Variants in ASIP observed in about 807,000 individuals in gnomAD.
ASIP encodes the protein agouti-signaling protein.
ASIP carries 11 observed loss-of-function variants against 10.3 expected under a neutral mutation model. The observed-to-expected ratio is 1.07, with a 90% CI of 0.68 to 1.78. ASIP has a LOEUF of 1.78. ASIP is among the 40% of genes most tolerant of loss of function. ASIP has a pLI of 0.00. For missense variants in ASIP, 180 were observed against 169.2 expected (o/e 1.06, Z -0.35); for synonymous variants, 70 against 70.8 (o/e 0.99, Z 0.06).
intron 1 of ASIP, among the ~76,000 whole-genome samples, chr20:34,235,856 G>GA (rs1568756131): frequency 2.4e-5 from 1 of 42,514 alleles, no homozygotes; most frequent in African/African-American, 3.4e-4. Flanking sequence ...AAGGAAGGAA[G>GA]GAAGGAAGGA....
chr20:34,233,624 C>T (rs556247771), intron 1 of ASIP, among the ~76,000 whole-genome samples: 1 of 152,304 alleles, frequency 6.6e-6, no homozygotes, highest in East Asian at 1.9e-4. Context: ...TTTATTCCAT[C>T]TCTCAATGGT....
At chr20:34,253,896 T>C (rs527501567) in intron 1 of ASIP, among the ~76,000 whole-genome samples, 1 of 152,306 alleles carries the variant, frequency 6.6e-6, no homozygotes, top group South Asian at 2.1e-4. Context: ...GAGAAACTCA[T>C]CTTAAGTCCT....
rs1261943376 is a variant in ASIP, at chr20:34,198,600, C to G, written c.-11+3840C>G. ...CTCCTGGGCTCAAGTGATCCTCCCC[C>G]TCAGGTTCCCAAGTAGCTAGGATTA... is the stretch of plus-strand genomic sequence containing the variant. On this transcript the variant is annotated intron_variant, in intron 1 of 3. Transcript: ENST00000568305. Among the ~76,000 whole-genome samples the G allele has an allele frequency of 2.6e-5, 4 of 152,172 alleles. No individual in the cohort carries two copies. In the East Asian group the frequency reaches 5.8e-4, roughly 22 times the overall value.
intron 1 of ASIP, among the ~76,000 whole-genome samples, chr20:34,209,036 G>C (rs1045174369): frequency 3.3e-5 from 5 of 152,198 alleles, no homozygotes; most frequent in Non-Finnish European, 7.3e-5. Flanking sequence ...CTAAACATAA[G>C]ATCATAGTGT....
At chr20:34,224,498 A>T (rs1180099078) in intron 1 of ASIP, among the ~76,000 whole-genome samples, 1 of 152,054 alleles carries the variant, frequency 6.6e-6, no homozygotes, top group Non-Finnish European at 1.5e-5. Flanking sequence ...AAAAGGGTTT[A>T]TAAGAATAAT....
chr20:34,232,477 A>C (rs1206399659), intron 1 of ASIP, among the ~76,000 whole-genome samples: 1 of 152,192 alleles, frequency 6.6e-6, no homozygotes, highest in Non-Finnish European at 1.5e-5. Context: ...CATACAGCAT[A>C]GACCACTGTC....
intron 1 of ASIP, among the ~76,000 whole-genome samples, chr20:34,247,168 T>C (rs1182317938): frequency 1.3e-5 from 2 of 151,846 alleles, no homozygotes; most frequent in Non-Finnish European, 2.9e-5. Flanking sequence ...GTGTTTAACA[T>C]TGTATATGCC....
In ASIP at chr20:34,261,318, G is replaced by C. The variant is rs533174094; in HGVS notation, c.160+784G>C. On this transcript the variant is annotated intron_variant, in intron 2 of 3. Coordinates refer to ENST00000374954, the MANE Select transcript of ASIP (RefSeq NM_001672.3). ...GTTCAAGACCAGACTGAGCGACATA[G>C]GGAGACCCCGTCTCTACAGAAAAAT... 3.3e-5 allele frequency among the ~76,000 whole-genome samples: 5 copies of C among 152,168 alleles called. No homozygotes were observed. The South Asian group carries it at 1.0e-3, about 32-fold the overall frequency.
At chr20:34,250,132 G>T (rs969323084) in intron 1 of ASIP, 3 of 152,262 alleles carry the variant, frequency 2.0e-5, no homozygotes, top group Admixed American at 1.3e-4. Flanking sequence ...ATTGGTGCTT[G>T]GCAGGGCTGG....
intron 1 of ASIP, among the ~76,000 whole-genome samples, chr20:34,205,382 G>C (rs2034928281): frequency 6.6e-6 from 1 of 151,906 alleles, no homozygotes; most frequent in African/African-American, 2.4e-5. Flanking sequence ...AGCTCATAGA[G>C]GCGGCGCATC....
the ASIP span, among the ~76,000 whole-genome samples, chr20:34,189,400 G>A: frequency 2.2e-4 from 34 of 152,044 alleles, no homozygotes; most frequent in South Asian, 6.2e-4. Flanking sequence ...GCACCACCAC[G>A]CCCGGCTAAT....
In ASIP at chr20:34,269,274, G is replaced by A; in HGVS notation, c.*107G>A. The A allele has an allele frequency of 7.4e-7, 1 of 1,345,834 alleles. No individual in the cohort carries two copies. The highest frequency in any genetic ancestry group is 9.7e-7 in the Non-Finnish European group (1 of 1,029,224). The allele number at this position is 1,345,834 out of a possible 1,614,324, so 83.4% of individuals were successfully genotyped here. A position where few individuals can be genotyped will look rare whatever the true frequency, so the allele number is the denominator to read the frequency against. ...CTTCCCAGGGCTGCAGGCGGGCGGA[G>A]GTTCCAGGAGATGGGACTTCAGGGA... On this transcript the variant is annotated 3_prime_UTR_variant, in exon 4 of 4. Transcript: ENST00000374954.
intron 1 of ASIP, chr20:34,214,120 C>T: frequency 8.9e-7 from 1 of 1,127,084 alleles, no homozygotes; most frequent in Non-Finnish European, 1.4e-6. Flanking sequence ...GACTGGTGGC[C>T]ATTCTCAGGT....
intron 1 of ASIP, among the ~76,000 whole-genome samples, chr20:34,207,143 C>T (rs1402366849): frequency 1.3e-5 from 2 of 152,190 alleles, no homozygotes; most frequent in African/African-American, 2.4e-5. Context: ...ATCCCCCTTT[C>T]TCTGCATCCT....
chr20:34,211,659 G>A (rs2034975247), intron 1 of ASIP, among the ~76,000 whole-genome samples: 1 of 152,128 alleles, frequency 6.6e-6, no homozygotes, highest in Non-Finnish European at 1.5e-5. Flanking sequence ...ACGAAAAAAT[G>A]TTTTTGCTGA....
intron 1 of ASIP, among the ~76,000 whole-genome samples, chr20:34,200,974 TTCCTTCC>T (rs2034889854): frequency 4.1e-4 from 27 of 65,390 alleles, no homozygotes; most frequent in African/African-American, 2.0e-3. Flanking sequence ...CTTTCTTTCC[TTCCTTCC>T]TTCCTTCCTT....
intron 1 of ASIP, chr20:34,214,884 T>C (rs2034997389): frequency 1.6e-5 from 25 of 1,600,460 alleles, no homozygotes; most frequent in Non-Finnish European, 2.1e-5. Context: ...GTGCCACTTT[T>C]GTTTCAATAG....
intron 1 of ASIP, chr20:34,215,570 A>G: frequency 6.6e-7 from 1 of 1,506,258 alleles, no homozygotes; most frequent in Non-Finnish European, 9.2e-7. Flanking sequence ...CAAGGCGAGG[A>G]CTTGGGCGGC....
chr20:34,266,279 G>A (rs1441830090), intron 3 of ASIP, among the ~76,000 whole-genome samples: 1 of 152,030 alleles, frequency 6.6e-6, no homozygotes, highest in African/African-American at 2.4e-5. Context: ...GTGAACCCGG[G>A]AGGCAGAGTA....
Sources: allele counts gnomAD v4.1 joint callset (sites outside exome capture counted in the v4.1 genomes callset), GRCh38; gene constraint gnomAD v4.1.1; transcripts MANE v1.5; gene names NCBI Gene and HGNC (gene_info 2026-07-23, HGNC 2026-07-21).